Variants in PBX1 observed in about 807,000 individuals in gnomAD.
The protein encoded by PBX1 is pre-B-cell leukemia transcription factor 1.
Under a neutral mutation model 53.4 loss-of-function variants are expected in PBX1, and 6 were observed. The ratio of observed to expected loss-of-function variants is 0.11; its 90% CI spans 0.06 to 0.22. PBX1 has a LOEUF of 0.22. Ranked by LOEUF, PBX1 falls within the 10% of genes least tolerant of loss-of-function variation. The probability of loss-of-function intolerance (pLI) is 1.00; values close to 1 mark genes in which losing one functional copy is unlikely to be tolerated. For missense variants in PBX1, 251 were observed against 551.4 expected (o/e 0.46, Z 5.46); for synonymous variants, 204 against 212.3 (o/e 0.96, Z 0.34).
intron 6 of PBX1, among the ~76,000 whole-genome samples, 180 bp downstream of exon 6, chr1:164,812,329 A>G (rs1669654084): frequency 6.6e-6 from 1 of 152,198 alleles, no homozygotes; most frequent in African/African-American, 2.4e-5. Flanking sequence ...CCAAAGAGCA[A>G]TCTGTTAGAC....
chr1:164,752,997 G>T (rs922615189), intron 2 of PBX1, among the ~76,000 whole-genome samples: 2 of 152,168 alleles, frequency 1.3e-5, no homozygotes, highest in Admixed American at 1.3e-4. Context: ...AACCTGGAAG[G>T]GTTGTGGAGA....
intron 2 of PBX1, chr1:164,657,024 A>G (rs1203299686): frequency 1.3e-5 from 2 of 152,206 alleles, no homozygotes; most frequent in Non-Finnish European, 2.9e-5. Flanking sequence ...TAATATTAAG[A>G]TAACATACTC....
At position 164,710,935 on chromosome 1, in the gene PBX1, G is replaced by C. The variant is rs151098949; in HGVS notation, c.266-81559G>C. ...CCTCCAAGTCCCACCTGCTGTTGTT[G>C]ACCCCATCTGGCCAGCCAGGCGTGA... On this transcript the variant is annotated intron_variant, in intron 2 of 8. Coordinates refer to ENST00000420696, the MANE Select transcript of PBX1 (RefSeq NM_002585.4). 6.5e-3 allele frequency among the ~76,000 whole-genome samples: 985 copies of C among 152,324 alleles called. 7 individuals are homozygous for C. The highest frequency in any genetic ancestry group is 0.024 in the Middle Eastern group (7 of 294).
chr1:164,707,167 C>T (rs530954209), intron 2 of PBX1, among the ~76,000 whole-genome samples: 17 of 152,210 alleles, frequency 1.1e-4, no homozygotes, highest in Non-Finnish European at 2.2e-4. Context: ...CCGCTGGCAT[C>T]GAGATTGGAA....
At chr1:164,608,640 C>T (rs1656709932) in intron 2 of PBX1, among the ~76,000 whole-genome samples, 1 of 152,164 alleles carries the variant, frequency 6.6e-6, no homozygotes, top group South Asian at 2.1e-4. Context: ...AAAGCAAACA[C>T]TGAGCCAGAA....
intron 2 of PBX1, among the ~76,000 whole-genome samples, chr1:164,783,055 A>G (rs879562019): frequency 6.6e-6 from 1 of 152,194 alleles, no homozygotes; most frequent in African/African-American, 2.4e-5. Context: ...TTACTTCAGA[A>G]CTAAGTGGTT....
Position 164,847,003 on chromosome 1 carries a change from T to A in PBX1, c.*327T>A. The A allele has an allele frequency of 8.6e-7, 1 of 1,168,194 alleles. No individual in the cohort carries two copies. Among genetic ancestry groups the A allele is most frequent in the Non-Finnish European group, 1.1e-6 (1 of 942,646 alleles). 72.4% of individuals were successfully genotyped at this position (1,168,194 alleles called of 1,614,324 possible). On this transcript the variant is annotated 3_prime_UTR_variant, in exon 9 of 9. Transcript: ENST00000420696. ...CTCTCTCATATCACTGAAGGATATT[T>A]TCAACAATTAGAGGAATTTAAAGAG...
chr1:164,652,291 C>T (rs979336119), intron 2 of PBX1, among the ~76,000 whole-genome samples: 40 of 152,086 alleles, frequency 2.6e-4, no homozygotes, highest in African/African-American at 6.8e-4. Flanking sequence ...CTCCTGACCT[C>T]GTATAAATTT....
chr1:164,730,897 GTTTTTA>G (rs759471482), intron 2 of PBX1, among the ~76,000 whole-genome samples: 35 of 152,128 alleles, frequency 2.3e-4, no homozygotes, highest in Non-Finnish European at 4.6e-4. Flanking sequence ...ATTTTGGGTA[GTTTTTA>G]TTTTTATCAC....
intron 2 of PBX1, chr1:164,590,409 A>T (rs1210297654): frequency 4.4e-6 from 2 of 455,726 alleles, no homozygotes; most frequent in South Asian, 1.5e-5. Context: ...CTTCTTCCCA[A>T]TCGCCGCCGC....
At chr1:164,755,839 G>A (rs553546348) in intron 2 of PBX1, among the ~76,000 whole-genome samples, 9 of 151,978 alleles carry the variant, frequency 5.9e-5, no homozygotes, top group South Asian at 4.2e-4. Flanking sequence ...CCCCCAGGGC[G>A]CCATGTAACT....
intron 2 of PBX1, among the ~76,000 whole-genome samples, chr1:164,712,640 T>A (rs532004282): frequency 4.6e-5 from 7 of 152,246 alleles, no homozygotes; most frequent in Non-Finnish European, 8.8e-5. Flanking sequence ...AGGGGGATGT[T>A]AATCACCATG....
chr1:164,821,399 A>G, intron 7 of PBX1, 138 bp from the exon 8 acceptor site: 2 of 683,120 alleles, frequency 2.9e-6, no homozygotes, highest in South Asian at 1.7e-5. Context: ...CTCCTAATGG[A>G]CTCTCCCAGG....
chr1:164,692,497 A>C (rs1163316167), intron 2 of PBX1, among the ~76,000 whole-genome samples: 3 of 152,030 alleles, frequency 2.0e-5, no homozygotes, highest in African/African-American at 7.2e-5. Flanking sequence ...ATCCATTCCC[A>C]CCCCACCACT....
At chr1:164,638,781 C>A (rs150222623) in intron 2 of PBX1, among the ~76,000 whole-genome samples, 2 of 152,208 alleles carry the variant, frequency 1.3e-5, no homozygotes, top group African/African-American at 4.8e-5. Flanking sequence ...ACTACAGATT[C>A]TAAAAGGGGC....
At chr1:164,586,492 G>A (rs1654960092) in intron 2 of PBX1, among the ~76,000 whole-genome samples, 1 of 152,184 alleles carries the variant, frequency 6.6e-6, no homozygotes, top group Non-Finnish European at 1.5e-5. Context: ...GATAGGTAAT[G>A]AGGGGGCACC....
At chr1:164,600,246 CT>C (rs71097539) in intron 2 of PBX1, among the ~76,000 whole-genome samples, 466 of 121,762 alleles carry the variant, frequency 3.8e-3, no homozygotes, top group Non-Finnish European at 5.5e-3. Context: ...TATGCTGCTG[CT>C]TTTTTTTTTT....
chr1:164,569,047 G>A (rs891276708), intron 2 of PBX1, among the ~76,000 whole-genome samples: 2 of 152,182 alleles, frequency 1.3e-5, no homozygotes, highest in Non-Finnish European at 2.9e-5. Flanking sequence ...ATCTTCTACT[G>A]AAACTTTTGT....
chr1:164,845,632 A>G (rs1439294171), intron 8 of PBX1, among the ~76,000 whole-genome samples: 1 of 152,178 alleles, frequency 6.6e-6, no homozygotes, highest in Non-Finnish European at 1.5e-5. Flanking sequence ...CAACTATTTT[A>G]GTGCTGGGAT....
Sources: gnomAD v4.1 joint callset for allele counts (sites outside exome capture counted in the v4.1 genomes callset) on GRCh38, gnomAD v4.1.1 for gene constraint, MANE v1.5 for transcripts, NCBI Gene and HGNC (gene_info 2026-07-23, HGNC 2026-07-21) for gene names.